The following CDH4 variants were observed in gnomAD, a reference collection of about 807,000 sequenced individuals.
CDH4 encodes cadherin 4.
In CDH4, 33 loss-of-function variants were observed where a neutral mutation model predicts 86.0. The ratio of observed to expected loss-of-function variants is 0.38; its 90% CI spans 0.29 to 0.51. The LOEUF (loss-of-function observed/expected upper bound fraction) is 0.51. Among genes scored for constraint, CDH4 ranks in the 20% least tolerant of loss-of-function variants. CDH4 has a pLI of 0.86. For synonymous variants in CDH4, 555 were observed against 549.4 expected, an observed-to-expected ratio of 1.01 and a Z score of -0.14; for missense variants, 1,114 against 1,307.4, an observed-to-expected ratio of 0.85 and a Z score of 2.28.
In CDH4 at chr20:61,902,340, C is replaced by T. The variant is rs538571248; in HGVS notation, c.1188+7293C>T. Among the ~76,000 whole-genome samples the T allele has an allele frequency of 1.3e-5, 2 of 152,360 alleles. No individual in the cohort carries two copies. The highest frequency in any genetic ancestry group is 4.8e-5 in the African/African-American group (2 of 41,586). Reference sequence around the variant, plus strand: ...GCCTCACTCTGCCCTTCACCAGCCACGGAGACCCGGGGTCTATGGGCAGTG... The same window carrying T: ...GCCTCACTCTGCCCTTCACCAGCCATGGAGACCCGGGGTCTATGGGCAGTG... On this transcript the variant is annotated intron_variant, in intron 8 of 15. Transcript: ENST00000614565. This position sits in a 1 kb window ranked among gnomAD's most constrained non-coding sequence, Gnocchi z 4.6.
At chr20:61,713,036 G>A (rs2087909996) in intron 2 of CDH4, among the ~76,000 whole-genome samples, 1 of 152,206 alleles carries the variant, frequency 6.6e-6, no homozygotes. Context: ...CTAGAAAGCA[G>A]GTCAAGTGTC....
At chr20:61,702,658 A>G (rs2087789250) in intron 2 of CDH4, among the ~76,000 whole-genome samples, 1 of 152,226 alleles carries the variant, frequency 6.6e-6, no homozygotes, top group African/African-American at 2.4e-5. Flanking sequence ...CTGTGTATGC[A>G]TCTTAAAATC....
At chr20:61,878,607 C>A (rs969490313) in intron 7 of CDH4, among the ~76,000 whole-genome samples, 1 of 151,366 alleles carries the variant, frequency 6.6e-6, no homozygotes. Context: ...GACATTGAGG[C>A]GGGCTTCCCT....
intron 4 of CDH4, among the ~76,000 whole-genome samples, chr20:61,843,588 G>C (rs184756662): frequency 6.6e-6 from 1 of 151,944 alleles, no homozygotes; most frequent in East Asian, 1.9e-4. Context: ...CAGCTACTCC[G>C]GGGCTGAGGT....
chr20:61,252,407 C>A lies in CDH4; in HGVS notation c.-107C>A. On this transcript the variant is annotated 5_prime_UTR_variant, in exon 1 of 16. Coordinates refer to ENST00000614565, the MANE Select transcript of CDH4 (RefSeq NM_001794.5). This position sits in a 1 kb window ranked among gnomAD's most constrained non-coding sequence, Gnocchi z 4.4. The stretch of plus-strand genomic sequence containing the variant: ...GCTCCGGGCAGGCGCGGGGGAGCGG[C>A]GGCGGCGGCGGCGATCGGAGCGGCG... 1 of 395,762 alleles carries A rather than the reference C, an allele frequency of 2.5e-6. No homozygotes were observed. Among genetic ancestry groups the A allele is most frequent in the Non-Finnish European group, 3.4e-6 (1 of 295,302 alleles). 24.5% of individuals were successfully genotyped at this position (395,762 alleles called of 1,614,324 possible). A position where few individuals can be genotyped will look rare whatever the true frequency, so the allele number is the denominator to read the frequency against.
chr20:61,473,336 C>A (rs1037811892), intron 2 of CDH4, among the ~76,000 whole-genome samples: 1 of 152,024 alleles, frequency 6.6e-6, no homozygotes, highest in Non-Finnish European at 1.5e-5. Flanking sequence ...AACAAGCAGG[C>A]AAATTTCTGG....
chr20:61,846,862 G>A (rs1205604341), intron 5 of CDH4, among the ~76,000 whole-genome samples: 1 of 152,110 alleles, frequency 6.6e-6, no homozygotes, highest in Non-Finnish European at 1.5e-5. Flanking sequence ...GCATCCAAGG[G>A]GCACCAGGAG....
Position 61,583,525 on chromosome 20 carries a change from G to A in CDH4, c.170-160038G>A, listed in dbSNP as rs543845752. Among the ~76,000 whole-genome samples, 21 of 152,286 alleles carry A rather than the reference G, an allele frequency of 1.4e-4. No individual in the cohort carries two copies. The East Asian group carries it at 3.1e-3, about 22-fold the overall frequency. On this transcript the variant is annotated intron_variant, in intron 2 of 15. Transcript: ENST00000614565. ...AGGGGCAGGGGACAGAGGCAGCTGC[G>A]AGGTGGAGCTGAGCTGGCATCCAGT... is the stretch of plus-strand genomic sequence containing the variant.
chr20:61,287,718 C>T (rs535139700), intron 2 of CDH4, among the ~76,000 whole-genome samples: 5 of 152,194 alleles, frequency 3.3e-5, no homozygotes, highest in African/African-American at 9.6e-5. Flanking sequence ...AGCATGGAGG[C>T]GGGGAGAGAG....
chr20:61,911,955 G>A (rs2054855924), intron 9 of CDH4, among the ~76,000 whole-genome samples: 1 of 152,226 alleles, frequency 6.6e-6, no homozygotes, highest in African/African-American at 2.4e-5. Flanking sequence ...TCTCACGTGA[G>A]AGGAGTCTGA....
At chr20:61,286,660 C>T (rs779681505) in intron 2 of CDH4, among the ~76,000 whole-genome samples, 40 of 152,202 alleles carry the variant, frequency 2.6e-4, no homozygotes, top group Non-Finnish European at 5.1e-4. Flanking sequence ...GTTCACAAGA[C>T]GTTGAAAACT....
chr20:61,763,467 G>A (rs971282341), intron 3 of CDH4, among the ~76,000 whole-genome samples: 4 of 152,322 alleles, frequency 2.6e-5, no homozygotes, highest in Admixed American at 6.5e-5. Context: ...ACGGCACTGC[G>A]GAGCCGGTGC....
At chr20:61,825,715 C>T (rs1946862311) in intron 4 of CDH4, among the ~76,000 whole-genome samples, 1 of 152,210 alleles carries the variant, frequency 6.6e-6, no homozygotes, top group African/African-American at 2.4e-5. Context: ...CTGTCTCCCA[C>T]CTGCCATGCT....
intron 2 of CDH4, among the ~76,000 whole-genome samples, chr20:61,348,654 A>T (rs1484656543): frequency 6.6e-6 from 1 of 152,200 alleles, no homozygotes; most frequent in African/African-American, 2.4e-5. Flanking sequence ...TCTTTCAATA[A>T]TCTGGCTGAA....
intron 4 of CDH4, among the ~76,000 whole-genome samples, chr20:61,812,479 T>C (rs1435041817): frequency 6.6e-6 from 1 of 152,164 alleles, no homozygotes; most frequent in Non-Finnish European, 1.5e-5. Flanking sequence ...CTGGGCCTGG[T>C]ACCGACTGCA....
At chr20:61,898,954 T>G (rs6121486) in intron 8 of CDH4, among the ~76,000 whole-genome samples, 7,872 of 152,132 alleles carry the variant, frequency 0.052, 497 homozygotes, top group African/African-American at 0.15. Context: ...GTGAGGGGCT[T>G]ACAACAATGT....
chr20:61,563,372 G>T (rs1192358815), intron 2 of CDH4, among the ~76,000 whole-genome samples: 2 of 152,258 alleles, frequency 1.3e-5, no homozygotes, highest in Admixed American at 6.5e-5. Flanking sequence ...CCAAGGGTGT[G>T]GAGAGCTGGC....
intron 3 of CDH4, among the ~76,000 whole-genome samples, chr20:61,748,099 G>T (rs529379415): frequency 6.6e-6 from 1 of 152,166 alleles, no homozygotes; most frequent in Non-Finnish European, 1.5e-5. Flanking sequence ...TTGTGGGGGG[G>T]TTGGAAGACC....
chr20:61,900,581 C>T (rs561600413), intron 8 of CDH4, among the ~76,000 whole-genome samples: 1 of 152,318 alleles, frequency 6.6e-6, no homozygotes, highest in Admixed American at 6.5e-5. Context: ...GGGGGAATGG[C>T]GGACTGGAAA....
Sources: gnomAD v4.1 joint callset for allele counts (sites outside exome capture counted in the v4.1 genomes callset) on GRCh38, gnomAD v4.1.1 for gene constraint, Gnocchi (gnomAD v3.1) non-coding constraint, MANE v1.5 for transcripts, NCBI Gene and HGNC (gene_info 2026-07-23, HGNC 2026-07-21) for gene names.